MYH11: variants seen among roughly 807,000 people sequenced by gnomAD.
MYH11 encodes myosin-11.
Under a neutral mutation model 246.6 loss-of-function variants are expected in MYH11, and 80 were observed. The ratio of observed to expected loss-of-function variants is 0.32; its 90% CI spans 0.27 to 0.39. MYH11 has a LOEUF of 0.39. Ranked by LOEUF, MYH11 falls within the 10% of genes least tolerant of loss-of-function variation. MYH11 has a pLI of 1.00. For synonymous variants in MYH11, 1,071 were observed against 1,015.5 expected, an observed-to-expected ratio of 1.05 and a Z score of -1.04; for missense variants, 2,158 against 2,546.8, an observed-to-expected ratio of 0.85 and a Z score of 3.29.
At chr16:15,793,311 T>C (rs1190580703) in intron 4 of MYH11, among the ~76,000 whole-genome samples, 1 of 152,114 alleles carries the variant, frequency 6.6e-6, no homozygotes, top group African/African-American at 2.4e-5. Context: ...CCTTCCTTCC[T>C]GTCTCTGGGT....
chr16:15,832,045 A>T (rs181685939), intron 2 of MYH11, among the ~76,000 whole-genome samples: 9 of 152,170 alleles, frequency 5.9e-5, no homozygotes, highest in Admixed American at 5.2e-4. Flanking sequence ...GCTGGCACCC[A>T]GGAGGCCTCT....
At chr16:15,843,576 C>T (rs2044111520) in intron 1 of MYH11, among the ~76,000 whole-genome samples, 2 of 151,440 alleles carry the variant, frequency 1.3e-5, no homozygotes, top group Admixed American at 1.3e-4. Flanking sequence ...GCGTGTAGTC[C>T]CAGCTACTCT....
chr16:15,776,183 T>C lies in MYH11; in HGVS notation c.791-7A>G. 1.2e-6 allele frequency: 2 copies of C among 1,607,010 alleles called. No individual in the cohort carries two copies. The highest frequency in any genetic ancestry group is 1.1e-5 in the South Asian group (1 of 90,950). ...CGTGATTTTTCTAGCAGATCTGGTT[T>C]GGAGGGAGTTAGGGATTCTGGGGAT... is the stretch of plus-strand genomic sequence containing the variant. On this transcript the variant is annotated splice_polypyrimidine_tract_variant and splice_region_variant and intron_variant, in intron 7 of 40. Coordinates refer to ENST00000300036, the MANE Select transcript of MYH11 (RefSeq NM_002474.3).
chr16:15,779,765 T>C (rs2042303783), intron 6 of MYH11, among the ~76,000 whole-genome samples: 1 of 152,196 alleles, frequency 6.6e-6, no homozygotes, highest in Non-Finnish European at 1.5e-5. Context: ...GATGGCCCTA[T>C]CTACCTGCCT....
rs150371541 is a variant in MYH11 at position 15,789,744 on chromosome 16, T to G, written c.531-3012A>C. Reference sequence around the variant, plus strand: ...ACGTCAGAACCTTGCTTGACTTCATTCTAAAGTGAAGGGGTTGGATTCTGA... The same window carrying G: ...ACGTCAGAACCTTGCTTGACTTCATGCTAAAGTGAAGGGGTTGGATTCTGA... On this transcript the variant is annotated intron_variant, in intron 4 of 40. Transcript: ENST00000300036. Among the ~76,000 whole-genome samples, 230 of 152,282 alleles carry G rather than the reference T, an allele frequency of 1.5e-3. 5 individuals are homozygous for G. The East Asian group carries it at 0.031, about 21-fold the overall frequency.
intron 31 of MYH11, among the ~76,000 whole-genome samples, chr16:15,722,942 C>T (rs1169114444): frequency 2.6e-5 from 4 of 152,106 alleles, no homozygotes; most frequent in African/African-American, 7.2e-5. Context: ...CAAAGTTGCA[C>T]GATGTTGGCC....
intron 40 of MYH11, among the ~76,000 whole-genome samples, chr16:15,710,699 G>T (rs67006130): frequency 0.64 from 96,702 of 150,246 alleles, 31,069 homozygotes; most frequent in South Asian, 0.72. Context: ...TTTTTTTTTT[G>T]GAGACAGAGT....
In MYH11 at chr16:15,759,739, C is replaced by G. The variant is rs2280764; in HGVS notation, c.1249-11G>C. ...TACAGCAAAGTCAGCCTGCAGAGGGCAACCAGGGGAACCCGGTTATTCTCA... is the reference window on the plus strand; with the variant it reads ...TACAGCAAAGTCAGCCTGCAGAGGGGAACCAGGGGAACCCGGTTATTCTCA... On this transcript the variant is annotated splice_polypyrimidine_tract_variant and intron_variant, in intron 11 of 40. Transcript: ENST00000300036. The G allele has an allele frequency of 0.4, 647,911 of 1,613,218 alleles. 136,001 individuals carry two copies. The highest frequency in any genetic ancestry group is 0.68 in the East Asian group (30,521 of 44,848).
At chr16:15,747,446 A>G in intron 19 of MYH11, 124 bp downstream of exon 19, 1 of 1,146,386 alleles carries the variant, frequency 8.7e-7, no homozygotes. Context: ...CTTCAAGAAA[A>G]GGCTGTCATT....
intron 13 of MYH11, 54 bp from the exon 14 acceptor site, chr16:15,756,568 C>G (rs932094424): frequency 6.3e-7 from 1 of 1,595,924 alleles, no homozygotes; most frequent in African/African-American, 1.3e-5. Flanking sequence ...CTCAGGCATT[C>G]CATGAAGAGC....
intron 38 of MYH11, among the ~76,000 whole-genome samples, chr16:15,716,894 A>G (rs1296350660): frequency 6.6e-6 from 1 of 152,208 alleles, no homozygotes; most frequent in African/African-American, 2.4e-5. Context: ...AGGCAGGTTA[A>G]TGTCAGGAGG....
rs551132746 is a variant in MYH11 at position 15,767,708 on chromosome 16, G to A, written c.1034-3817C>T. Among the ~76,000 whole-genome samples the A allele has an allele frequency of 4.6e-5, 7 of 152,118 alleles. 1 individual carries two copies. The East Asian group carries it at 7.8e-4, about 17-fold the overall frequency. ...AGATGAGATCATCTTGGATTAACCT[G>A]GTGGGCCCTACATTTAATGTCAAGT... On this transcript the variant is annotated intron_variant, in intron 9 of 40. Transcript: ENST00000300036.
intron 20 of MYH11, 23 bp downstream of exon 20, chr16:15,745,105 AG>A (rs1276217929): frequency 6.3e-7 from 1 of 1,586,524 alleles, no homozygotes; most frequent in East Asian, 2.2e-5. Context: ...GCCCCTGGGA[AG>A]GGGGCTGGGG....
intron 12 of MYH11, 84 bp downstream of exon 12, chr16:15,759,492 T>C (rs2151276956): frequency 6.3e-7 from 1 of 1,588,854 alleles, no homozygotes; most frequent in Non-Finnish European, 8.6e-7. Context: ...TCTACATGCC[T>C]TTCTCCAAAA....
At chr16:15,826,821 G>C (rs926518078) in intron 2 of MYH11, among the ~76,000 whole-genome samples, 1 of 150,962 alleles carries the variant, frequency 6.6e-6, no homozygotes, top group Admixed American at 6.6e-5. Context: ...GTGAGACCCT[G>C]TTTCTACCAA....
chr16:15,718,563 AAGATT>A, intron 36 of MYH11, 125 bp from the exon 37 acceptor site: 1 of 1,359,204 alleles, frequency 7.4e-7, no homozygotes, highest in Non-Finnish European at 9.9e-7. Context: ...AGGCTTGGAG[AAGATT>A]AGAAGACTCA....
intron 1 of MYH11, among the ~76,000 whole-genome samples, chr16:15,854,524 G>A (rs2044411591): frequency 6.6e-6 from 1 of 152,176 alleles, no homozygotes; most frequent in South Asian, 2.1e-4. Flanking sequence ...CTACTCTAAA[G>A]GGTTGTTATG....
chr16:15,715,850 G>C (rs1033940901), intron 38 of MYH11, among the ~76,000 whole-genome samples: 3 of 152,268 alleles, frequency 2.0e-5, no homozygotes, highest in Admixed American at 6.5e-5. Context: ...CTCTGGCCAG[G>C]CGTGGTGGCT....
At chr16:15,850,775 G>T (rs1347862313) in intron 1 of MYH11, among the ~76,000 whole-genome samples, 1 of 151,984 alleles carries the variant, frequency 6.6e-6, no homozygotes, top group African/African-American at 2.4e-5. Flanking sequence ...CATGCCGGTA[G>T]TCCCAGCTAC....
Sources: allele counts gnomAD v4.1 joint callset (sites outside exome capture counted in the v4.1 genomes callset), GRCh38; gene constraint gnomAD v4.1.1; transcripts MANE v1.5; gene names NCBI Gene and HGNC (gene_info 2026-07-23, HGNC 2026-07-21).